Variants in NUBPL observed in about 807,000 individuals in gnomAD.
NUBPL encodes NUBP iron-sulfur cluster assembly factor, mitochondrial.
Under a neutral mutation model 45.7 loss-of-function variants are expected in NUBPL, and 31 were observed. The observed-to-expected ratio is 0.68, with a 90% CI of 0.51 to 0.92. The LOEUF is 0.92. Among genes scored for constraint, NUBPL ranks in the 40% least tolerant of loss-of-function variants. NUBPL has a pLI of 0.00. For missense variants in NUBPL, 401 were observed against 398.7 expected, an observed-to-expected ratio of 1.01 and a Z score of -0.05; for synonymous variants, 144 against 140.9, an observed-to-expected ratio of 1.02 and a Z score of -0.15.
intron 8 of NUBPL, among the ~76,000 whole-genome samples, chr14:31,830,861 GTCT>G (rs1566587425): frequency 1.3e-5 from 2 of 152,054 alleles, no homozygotes; most frequent in East Asian, 1.9e-4. Flanking sequence ...AGCCAAACTG[GTCT>G]TCTTCCACTT....
intron 6 of NUBPL, among the ~76,000 whole-genome samples, chr14:31,742,202 C>T (rs2038298808): frequency 6.6e-6 from 1 of 150,718 alleles, no homozygotes; most frequent in African/African-American, 2.4e-5. Flanking sequence ...GCCTAATTCT[C>T]CACTGGCACT....
chr14:31,603,029 G>T (rs2034486923), intron 4 of NUBPL, among the ~76,000 whole-genome samples: 1 of 152,010 alleles, frequency 6.6e-6, no homozygotes, highest in Non-Finnish European at 1.5e-5. Flanking sequence ...AAATGAATTG[G>T]CTTGGCTTAG....
At chr14:31,808,015 G>T (rs1055924281) in intron 7 of NUBPL, among the ~76,000 whole-genome samples, 1 of 152,156 alleles carries the variant, frequency 6.6e-6, no homozygotes, top group African/African-American at 2.4e-5. Context: ...ATGCTGTGTT[G>T]GTTACTGTAT....
At chr14:31,723,567 T>C (rs907069744) in intron 6 of NUBPL, among the ~76,000 whole-genome samples, 2 of 152,182 alleles carry the variant, frequency 1.3e-5, no homozygotes, top group Non-Finnish European at 2.9e-5. Flanking sequence ...ATTCTTCCTA[T>C]CCATCCATAA....
intron 7 of NUBPL, among the ~76,000 whole-genome samples, chr14:31,812,995 T>C (rs1374484136): frequency 6.6e-6 from 1 of 150,646 alleles, no homozygotes; most frequent in Admixed American, 6.6e-5. Context: ...TTTTTTTTTT[T>C]TTTTTTTGAG....
intron 6 of NUBPL, among the ~76,000 whole-genome samples, chr14:31,731,115 G>A (rs1315489339): frequency 6.6e-6 from 1 of 152,156 alleles, no homozygotes; most frequent in African/African-American, 2.4e-5. Context: ...AAATTATCCA[G>A]CAGATATGAA....
At chr14:31,646,196 T>C (rs980782430) in intron 4 of NUBPL, among the ~76,000 whole-genome samples, 33 of 150,688 alleles carry the variant, frequency 2.2e-4, no homozygotes, top group East Asian at 5.8e-4. Flanking sequence ...CTTCCCCCGC[T>C]TTTTTTTTGA....
At chr14:31,690,712 A>G (rs749446618) in intron 6 of NUBPL, among the ~76,000 whole-genome samples, 1 of 152,220 alleles carries the variant, frequency 6.6e-6, no homozygotes, top group Non-Finnish European at 1.5e-5. Context: ...GACAGAGTCA[A>G]TCAGGAAAAT....
At chr14:31,822,762 C>T (rs1264198969) in intron 7 of NUBPL, among the ~76,000 whole-genome samples, 1 of 152,030 alleles carries the variant, frequency 6.6e-6, no homozygotes, top group Non-Finnish European at 1.5e-5. Context: ...TGTTTACATG[C>T]TTCGTGAGCA....
At position 31,736,507 on chromosome 14, in the gene NUBPL, T is replaced by C. The variant is rs2038169094; in HGVS notation, c.514-51273T>C. 2.0e-5 allele frequency among the ~76,000 whole-genome samples: 3 copies of C among 152,334 alleles called. No homozygotes were observed. The South Asian group carries it at 6.2e-4, about 32-fold the overall frequency. ...TGTCTTCTCTCTTGCAGTGTAATGC[T>C]GAGATCCATCCATGTTTTTGCATGA... On this transcript the variant is annotated intron_variant, in intron 6 of 10. Transcript: ENST00000281081.
At chr14:31,821,315 T>C (rs917908383) in intron 7 of NUBPL, among the ~76,000 whole-genome samples, 1 of 152,136 alleles carries the variant, frequency 6.6e-6, no homozygotes, top group African/African-American at 2.4e-5. Flanking sequence ...AACCAGAATA[T>C]ATAAGGAGCT....
rs138352548 is a variant in NUBPL, at chr14:31,859,798, A to C, written c.*618A>C. 1 of 156,752 alleles carries C rather than the reference A, an allele frequency of 6.4e-6. No individual in the cohort carries two copies. Among genetic ancestry groups the C allele is most frequent in the Non-Finnish European group, 1.4e-5 (1 of 70,472 alleles). The allele number at this position is 156,752 out of a possible 1,614,324, so 9.7% of individuals were successfully genotyped here. A position where few individuals can be genotyped will look rare whatever the true frequency, so the allele number is the denominator to read the frequency against. ...TAAGAATAATAGCTAACATTTAACAAGTTAATTATAATTGTTCTTCCATTT... is the reference window on the plus strand; with the variant it reads ...TAAGAATAATAGCTAACATTTAACACGTTAATTATAATTGTTCTTCCATTT... On this transcript the variant is annotated 3_prime_UTR_variant, in exon 11 of 11. Coordinates refer to ENST00000281081, the MANE Select transcript of NUBPL (RefSeq NM_025152.3).
At chr14:31,627,533 C>A (rs944994734) in intron 4 of NUBPL, among the ~76,000 whole-genome samples, 1 of 151,982 alleles carries the variant, frequency 6.6e-6, no homozygotes, top group African/African-American at 2.4e-5. Context: ...AATCCCAGCA[C>A]TTTAGGAGGC....
intron 3 of NUBPL, among the ~76,000 whole-genome samples, chr14:31,586,124 A>T (rs2033990104): frequency 6.6e-6 from 1 of 152,202 alleles, no homozygotes; most frequent in Non-Finnish European, 1.5e-5. Context: ...AATTGAGAAT[A>T]TCTAAGTGAT....
intron 6 of NUBPL, chr14:31,771,948 AC>A: frequency 1.0e-5 from 9 of 887,776 alleles, no homozygotes; most frequent in Non-Finnish European, 1.2e-5. Context: ...TGCTAGTCTA[AC>A]GCAGTAATGT....
intron 5 of NUBPL, 42 bp downstream of exon 5, chr14:31,673,436 G>A: frequency 6.2e-7 from 1 of 1,604,262 alleles, no homozygotes; most frequent in Non-Finnish European, 8.5e-7. Context: ...TCAGAATAAT[G>A]TTGATTAATT....
chr14:31,810,949 ACT>A (rs1250796666), intron 7 of NUBPL, among the ~76,000 whole-genome samples: 13 of 151,890 alleles, frequency 8.6e-5, no homozygotes, highest in African/African-American at 3.1e-4. Flanking sequence ...ATTGGCCCCC[ACT>A]CTCTTCTGGC....
intron 6 of NUBPL, among the ~76,000 whole-genome samples, chr14:31,684,702 T>G (rs1297113006): frequency 6.6e-6 from 1 of 152,248 alleles, no homozygotes; most frequent in East Asian, 1.9e-4. Context: ...ATTCTCCTAT[T>G]AGACCCCAAT....
chr14:31,622,865 C>T (rs2035102890), intron 4 of NUBPL, among the ~76,000 whole-genome samples: 1 of 152,230 alleles, frequency 6.6e-6, no homozygotes, highest in African/African-American at 2.4e-5. Flanking sequence ...TTGGAGCCCC[C>T]ACAGAGTCCC....
Sources: allele counts gnomAD v4.1 joint callset (sites outside exome capture counted in the v4.1 genomes callset), GRCh38; gene constraint gnomAD v4.1.1; transcripts MANE v1.5; gene names NCBI Gene and HGNC (gene_info 2026-07-23, HGNC 2026-07-21).